The following POLR2J variants were observed in gnomAD, a reference collection of about 807,000 sequenced individuals.
The protein encoded by POLR2J is DNA-directed RNA polymerase II subunit RPB11-a.
Under a neutral mutation model 13.4 loss-of-function variants are expected in POLR2J, and 12 were observed. The observed-to-expected ratio is 0.90, with a 90% CI of 0.57 to 1.45. The LOEUF is 1.45. POLR2J is among the 40% of genes most tolerant of loss of function. POLR2J has a pLI of 0.00. For missense variants in POLR2J, 58 were observed against 132.0 expected (o/e 0.44, Z 2.75); for synonymous variants, 31 against 53.6 (o/e 0.58, Z 1.84).
Position 102,473,756 on chromosome 7 carries a change from C to T in POLR2J, c.319-72G>A. ...AAGGACGCTGGAAACACATGCCCAGCATCCCCCCCGCCAGGCCCTTCCTGG... is the reference window on the plus strand; with the variant it reads ...AAGGACGCTGGAAACACATGCCCAGTATCCCCCCCGCCAGGCCCTTCCTGG... On this transcript the variant is annotated intron_variant, in intron 3 of 3. Coordinates refer to ENST00000292614, the MANE Select transcript of POLR2J (RefSeq NM_006234.6). 4 of 1,596,990 alleles carry T rather than the reference C, an allele frequency of 2.5e-6. No individual in the cohort carries two copies. The South Asian group carries it at 4.5e-5, about 18-fold the overall frequency.
At chr7:102,473,770 G>T in intron 3 of POLR2J, 86 bp from the exon 4 acceptor site, 1 of 1,578,350 alleles carries the variant, frequency 6.3e-7, no homozygotes, top group South Asian at 1.2e-5. Flanking sequence ...CCCCCCGCCA[G>T]GCCCTTCCTG....
rs1798321265 is a variant in POLR2J, at chr7:102,473,801, C to CTCCCCAGGACAGTGGA, written c.319-133_319-118dup. 5 of 1,514,086 alleles carry CTCCCCAGGACAGTGGA rather than the reference C, an allele frequency of 3.3e-6. No individual in the cohort carries two copies. The African/African-American group carries it at 5.5e-5, about 17-fold the overall frequency. 93.8% of individuals were successfully genotyped at this position (1,514,086 alleles called of 1,614,324 possible). A position where few individuals can be genotyped will look rare whatever the true frequency, so the allele number is the denominator to read the frequency against. On this transcript the variant is annotated intron_variant, in intron 3 of 3. Coordinates refer to ENST00000292614, the MANE Select transcript of POLR2J (RefSeq NM_006234.6). ...TCCTGGAGGGCAGCCATGGGCCACA[C>CTCCCCAGGACAGTGGA]TCCCCAGGACAGTGGAGCAGCCAAA... is the stretch of plus-strand genomic sequence containing the variant.
At position 102,473,175 on chromosome 7, in the gene POLR2J, G is replaced by GGAAAGGTGTTTCGAGTTATGCAGGAA; in HGVS notation, c.*448_*473dup. The GGAAAGGTGTTTCGAGTTATGCAGGAA allele has an allele frequency of 8.6e-7, 1 of 1,156,692 alleles. No homozygotes were observed. The highest frequency in any genetic ancestry group is 1.2e-6 in the Non-Finnish European group (1 of 831,988). The allele number at this position is 1,156,692 out of a possible 1,614,324, so 71.7% of individuals were successfully genotyped here. ...ACTCTACTGTGGACAAGAAGCCTGT[G>GGAAAGGTGTTTCGAGTTATGCAGGAA]GAAAGGTGTTTCGAGTTATGCAGGA... On this transcript the variant is annotated 3_prime_UTR_variant, in exon 4 of 4. Coordinates refer to ENST00000292614, the MANE Select transcript of POLR2J (RefSeq NM_006234.6).
intron 3 of POLR2J, 26 bp from the exon 4 acceptor site, chr7:102,473,710 C>G (rs748494387): frequency 6.2e-7 from 1 of 1,613,600 alleles, no homozygotes; most frequent in East Asian, 2.2e-5. Context: ...GTGGTGGAGA[C>G]TGAGCTGGAA....
At chr7:102,474,081 ACCCCCAAAGGACAGTAGG>A in intron 3 of POLR2J, 1 of 1,455,246 alleles carries the variant, frequency 6.9e-7, no homozygotes. Context: ...GTAGAAGAGC[ACCCCCAAAGGACAGTAGG>A]TCCCCGCCCC....
Position 102,473,212 on chromosome 7 carries a change from T to C in POLR2J, c.*437A>G. 2.4e-6 allele frequency: 2 copies of C among 845,938 alleles called. No homozygotes were observed. The highest frequency in any genetic ancestry group is 3.5e-6 in the Non-Finnish European group (2 of 563,802). The allele number at this position is 845,938 out of a possible 1,614,324, so 52.4% of individuals were successfully genotyped here. A position where few individuals can be genotyped will look rare whatever the true frequency, so the allele number is the denominator to read the frequency against. On this transcript the variant is annotated 3_prime_UTR_variant, in exon 4 of 4. Coordinates refer to ENST00000292614, the MANE Select transcript of POLR2J (RefSeq NM_006234.6). The stretch of plus-strand genomic sequence containing the variant: ...CGAGTTATGCAGGAAGAAGTGTTCC[T>C]GCTTTGACTGACAGGCAGGCCCAGG...
Position 102,473,553 on chromosome 7 carries a change from T to G in POLR2J, c.*96A>C, listed in dbSNP as rs1771276509. 1.6e-6 allele frequency: 2 copies of G among 1,243,924 alleles called. No individual in the cohort carries two copies. The highest frequency in any genetic ancestry group is 1.0e-6 in the Non-Finnish European group (1 of 976,996). The allele number at this position is 1,243,924 out of a possible 1,614,324, so 77.1% of individuals were successfully genotyped here. On this transcript the variant is annotated 3_prime_UTR_variant, in exon 4 of 4. Coordinates refer to ENST00000292614, the MANE Select transcript of POLR2J (RefSeq NM_006234.6). Reference sequence around the variant, plus strand: ...GGGTGGCCACAAGGCGGGCCATGGCTGGGACCGGCCGCTCTCCTCGGTGTG... The same window carrying G: ...GGGTGGCCACAAGGCGGGCCATGGCGGGGACCGGCCGCTCTCCTCGGTGTG...
chr7:102,478,889 A>G lies in POLR2J; in HGVS notation c.-29T>C, dbSNP rs772700407. ...CCCGCCGCCGTTGCGTCCAGACCCCAAGGGTCCGCCGCCGCCGCCACCAGA... is the reference window on the plus strand; with the variant it reads ...CCCGCCGCCGTTGCGTCCAGACCCCGAGGGTCCGCCGCCGCCGCCACCAGA... On this transcript the variant is annotated 5_prime_UTR_variant, in exon 1 of 4. Transcript: ENST00000292614. 3 of 1,609,952 alleles carry G rather than the reference A, an allele frequency of 1.9e-6. No homozygotes were observed. The highest frequency in any genetic ancestry group is 2.5e-6 in the Non-Finnish European group (3 of 1,179,536).
chr7:102,474,066 G>C (rs571061099), intron 3 of POLR2J: 3 of 1,405,228 alleles, frequency 2.1e-6, no homozygotes, highest in East Asian at 2.5e-5. Flanking sequence ...TCACCAACAA[G>C]GGACGTAGAA....
Position 102,473,265 on chromosome 7 carries a change from TGGGAGCTCATGGGTTTGCACAC to T in POLR2J, c.*362_*383del. 3.2e-6 allele frequency: 2 copies of T among 625,246 alleles called. No homozygotes were observed. The highest frequency in any genetic ancestry group is 5.4e-6 in the Non-Finnish European group (2 of 370,152). 38.7% of individuals were successfully genotyped at this position (625,246 alleles called of 1,614,324 possible). A position where few individuals can be genotyped will look rare whatever the true frequency, so the allele number is the denominator to read the frequency against. Reference sequence around the variant, plus strand: ...TTGAGGCTTCTAGAGCAGAGACTCTTGGGAGCTCATGGGTTTGCACACTTCTCTCCGGCTCAGCACAGCCCCC... The same window carrying T: ...TTGAGGCTTCTAGAGCAGAGACTCTTTTCTCTCCGGCTCAGCACAGCCCCC... On this transcript the variant is annotated 3_prime_UTR_variant, in exon 4 of 4. Coordinates refer to ENST00000292614, the MANE Select transcript of POLR2J (RefSeq NM_006234.6).
rs1586746958 is a variant in POLR2J at position 102,473,188 on chromosome 7, G to A, written c.*461C>T. 1.5e-5 allele frequency: 15 copies of A among 1,010,702 alleles called. No homozygotes were observed. Among genetic ancestry groups the A allele is most frequent in the Non-Finnish European group, 1.7e-5 (12 of 707,364 alleles). 62.6% of individuals were successfully genotyped at this position (1,010,702 alleles called of 1,614,324 possible). A position where few individuals can be genotyped will look rare whatever the true frequency, so the allele number is the denominator to read the frequency against. Reference sequence around the variant, plus strand: ...CAAGAAGCCTGTGGAAAGGTGTTTCGAGTTATGCAGGAAGAAGTGTTCCTG... The same window carrying A: ...CAAGAAGCCTGTGGAAAGGTGTTTCAAGTTATGCAGGAAGAAGTGTTCCTG... On this transcript the variant is annotated 3_prime_UTR_variant, in exon 4 of 4. Transcript: ENST00000292614.
chr7:102,478,902 C>T lies in POLR2J; in HGVS notation c.-42G>A, dbSNP rs369093993. The T allele has an allele frequency of 2.2e-3, 3,484 of 1,609,572 alleles. 4 individuals carry two copies. Among genetic ancestry groups the T allele is most frequent in the Non-Finnish European group, 2.8e-3 (3,326 of 1,179,342 alleles). On this transcript the variant is annotated 5_prime_UTR_variant, in exon 1 of 4. Coordinates refer to ENST00000292614, the MANE Select transcript of POLR2J (RefSeq NM_006234.6). Reference sequence around the variant, plus strand: ...CGTCCAGACCCCAAGGGTCCGCCGCCGCCGCCACCAGAGCCCTAATAAGAG... The same window carrying T: ...CGTCCAGACCCCAAGGGTCCGCCGCTGCCGCCACCAGAGCCCTAATAAGAG...
Position 102,473,623 on chromosome 7 carries a change from A to G in POLR2J, c.*26T>C. 1.2e-6 allele frequency: 2 copies of G among 1,600,852 alleles called. No homozygotes were observed. The highest frequency in any genetic ancestry group is 1.7e-6 in the Non-Finnish European group (2 of 1,175,870). Reference sequence around the variant, plus strand: ...AGGCACAGGTAGGAACGGGGCTCACAGGCCGAGCAGAGCCCCCTCTGGCCC... The same window carrying G: ...AGGCACAGGTAGGAACGGGGCTCACGGGCCGAGCAGAGCCCCCTCTGGCCC... On this transcript the variant is annotated 3_prime_UTR_variant, in exon 4 of 4. Coordinates refer to ENST00000292614, the MANE Select transcript of POLR2J (RefSeq NM_006234.6).
chr7:102,473,450 A>C lies in POLR2J; in HGVS notation c.*199T>G. 1.4e-6 allele frequency: 1 copy of C among 691,506 alleles called. No homozygotes were observed. The highest frequency in any genetic ancestry group is 2.1e-6 in the Non-Finnish European group (1 of 468,902). 42.8% of individuals were successfully genotyped at this position (691,506 alleles called of 1,614,324 possible). A position where few individuals can be genotyped will look rare whatever the true frequency, so the allele number is the denominator to read the frequency against. On this transcript the variant is annotated 3_prime_UTR_variant, in exon 4 of 4. Transcript: ENST00000292614. ...CGAAGTCACCGCTGCTCAAGTCCAC[A>C]TCCAGGTCTCTCCCGCTATACTTTA...
rs532470326 is a variant in POLR2J, at chr7:102,478,835, G to C, written c.26C>G (p.Ser9Trp). Residue 9 changes from serine to tryptophan, a missense_variant, in exon 1 of 4, where the codon TCG becomes TGG. Physicochemically the swap from Ser to Trp is radical, Grantham distance 177. Around this residue, in one of 4 missense-constraint regions of POLR2J, gnomAD observed 23 missense variants for 52.6 expected, o/e 0.44. Coordinates refer to ENST00000292614, the MANE Select transcript of POLR2J (RefSeq NM_006234.6). ...CTTCTCGCCCTCGAAGAGCAAGAAC[G>C]ACTCGAAGGCTGGAGGGGCGTTCAT... is the stretch of plus-strand genomic sequence containing the variant. MNAPPAFE[S>W]FLLFEGEKKI... 3.7e-6 allele frequency: 6 copies of C among 1,610,904 alleles called. No homozygotes were observed. In the African/African-American group the frequency reaches 4.0e-5, roughly 11 times the overall value.
chr7:102,473,154 T>G lies in POLR2J; in HGVS notation c.*495A>C. On this transcript the variant is annotated 3_prime_UTR_variant, in exon 4 of 4. Coordinates refer to ENST00000292614, the MANE Select transcript of POLR2J (RefSeq NM_006234.6). ...TTCAGTGAATATTTTTATTAAACTC[T>G]ACTGTGGACAAGAAGCCTGTGGAAA... 3 of 1,282,886 alleles carry G rather than the reference T, an allele frequency of 2.3e-6. No individual in the cohort carries two copies. The highest frequency in any genetic ancestry group is 2.1e-6 in the Non-Finnish European group (2 of 933,254). The allele number at this position is 1,282,886 out of a possible 1,614,324, so 79.5% of individuals were successfully genotyped here.
intron 3 of POLR2J, chr7:102,474,057 C>T: frequency 7.1e-7 from 1 of 1,404,128 alleles, no homozygotes; most frequent in African/African-American, 1.4e-5. Flanking sequence ...CCTTGCCAAT[C>T]ACCAACAAGG....
intron 2 of POLR2J, among the ~76,000 whole-genome samples, chr7:102,474,909 G>C (rs1284629463): frequency 4.7e-5 from 7 of 150,296 alleles, no homozygotes; most frequent in Non-Finnish European, 1.0e-4. Context: ...CAGCAGGAGA[G>C]GAGGGCCAGC....
chr7:102,473,912 A>G, intron 3 of POLR2J: 1 of 1,435,072 alleles, frequency 7.0e-7, no homozygotes, highest in Non-Finnish European at 9.1e-7. Context: ...TGGTGAGCAG[A>G]CGACTCAGAC....
Sources: gnomAD v4.1 joint callset for allele counts (sites outside exome capture counted in the v4.1 genomes callset) on GRCh38, gnomAD v4.1.1 for gene constraint, gnomAD v4.1.1 regional missense constraint, MANE v1.5 for transcripts, NCBI Gene and HGNC (gene_info 2026-07-23, HGNC 2026-07-21) for gene names.